SLCO1A2: variants seen among roughly 807,000 people sequenced by gnomAD.
SLCO1A2 encodes the protein OATP-1.
A neutral mutation model predicts 69.0 loss-of-function variants in SLCO1A2; 67 were observed. The observed-to-expected ratio is 0.97, with a 90% CI of 0.80 to 1.19. SLCO1A2 has a LOEUF of 1.19. Among genes scored for constraint, SLCO1A2 ranks in the 50% most tolerant of loss-of-function variants. SLCO1A2 has a pLI of 0.00. For synonymous variants in SLCO1A2, 260 were observed against 265.9 expected, an observed-to-expected ratio of 0.98 and a Z score of 0.22; for missense variants, 787 against 793.7, an observed-to-expected ratio of 0.99 and a Z score of 0.10.
intron 2 of SLCO1A2, chr12:21,373,509 C>A (rs41275208): frequency 0.043 from 40,429 of 947,318 alleles, 996 homozygotes; most frequent in Middle Eastern, 0.061. Flanking sequence ...TGTCAAATAA[C>A]TACAGCCTTA....
chr12:21,395,596 G>A (rs1419818194), upstream of SLCO1A2, among the ~76,000 whole-genome samples: 2 of 152,212 alleles, frequency 1.3e-5, no homozygotes, highest in African/African-American at 4.8e-5. Context: ...AAAGACAGCA[G>A]TAACCTCTGC....
intron 9 of SLCO1A2, among the ~76,000 whole-genome samples, chr12:21,297,192 CCTTT>C (rs150387774): frequency 0.013 from 1,924 of 151,938 alleles, 45 homozygotes; most frequent in African/African-American, 0.043. Flanking sequence ...CCTTCCCTAC[CCTTT>C]CTTTCTTTCC....
At chr12:21,329,115 A>G (rs1373981301) in intron 2 of SLCO1A2, among the ~76,000 whole-genome samples, 1 of 152,188 alleles carries the variant, frequency 6.6e-6, no homozygotes, top group African/African-American at 2.4e-5. Context: ...GTGATTTGTG[A>G]ATCCTGCATC....
chr12:21,313,396 A>G (rs183575083), intron 4 of SLCO1A2, among the ~76,000 whole-genome samples: 2 of 152,302 alleles, frequency 1.3e-5, no homozygotes, highest in African/African-American at 4.8e-5. Context: ...ATTCAAAACT[A>G]ATAGAATAAC....
At chr12:21,379,496 T>C (rs1940449229) in intron 1 of SLCO1A2, 2 of 152,240 alleles carry the variant, frequency 1.3e-5, no homozygotes, top group Admixed American at 6.5e-5. Context: ...CTCTTTGCTG[T>C]ATAAGAATTA....
At chr12:21,418,630 C>G (rs1942026875), upstream of SLCO1A2, among the ~76,000 whole-genome samples, 1 of 152,064 alleles carries the variant, frequency 6.6e-6, no homozygotes, top group African/African-American at 2.4e-5. Context: ...TATTCACTAC[C>G]ACGAGAACAG....
chr12:21,361,430 G>A (rs1402807889), intron 2 of SLCO1A2, among the ~76,000 whole-genome samples: 1 of 152,148 alleles, frequency 6.6e-6, no homozygotes, highest in Non-Finnish European at 1.5e-5. Flanking sequence ...CACAAAGATG[G>A]GGAGAAACCA....
Position 21,297,483 on chromosome 12 carries a change from G to A in SLCO1A2, c.996C>T (p.Phe332=), listed in dbSNP as rs111579988. The A allele has an allele frequency of 1.2e-5, 20 of 1,611,460 alleles. No homozygotes were observed. The African/African-American group carries it at 1.5e-4, about 12-fold the overall frequency. ...ILVSVIQFNA[F]VNMISFMPKY... ...TAGGCATGAAGGAGATCATGTTAAC[G>A]AATGCATTGAACTGTATCACACTTA... is the stretch of plus-strand genomic sequence containing the variant. The change falls in exon 9 of 15, where the codon TTC becomes TTT. Residue 332 remains phenylalanine, a synonymous_variant. Coordinates refer to ENST00000683939, the MANE Select transcript of SLCO1A2 (RefSeq NM_001386879.1).
At chr12:21,329,489 T>C (rs570011259) in intron 2 of SLCO1A2, among the ~76,000 whole-genome samples, 4 of 148,092 alleles carry the variant, frequency 2.7e-5, no homozygotes, top group South Asian at 2.1e-4. Flanking sequence ...AACCAAGGGA[T>C]TGAATATTTT....
chr12:21,276,671 A>C (rs1381478629), intron 12 of SLCO1A2, among the ~76,000 whole-genome samples: 1 of 152,162 alleles, frequency 6.6e-6, no homozygotes, highest in East Asian at 1.9e-4. Flanking sequence ...TTGAATTGCC[A>C]ACACCAGCCC....
chr12:21,341,875 G>C (rs1871289), intron 2 of SLCO1A2, among the ~76,000 whole-genome samples: 9,801 of 152,052 alleles, frequency 0.064, 391 homozygotes, highest in Middle Eastern at 0.1. Context: ...ACTTTGGGAC[G>C]AGTAAATAAA....
At chr12:21,287,925 T>G (rs1946196272) in intron 12 of SLCO1A2, among the ~76,000 whole-genome samples, 1 of 118,848 alleles carries the variant, frequency 8.4e-6, no homozygotes, top group Admixed American at 9.2e-5. Flanking sequence ...GACGAGTTAG[T>G]GGGTGCAGCG....
chr12:21,310,981 T>G (rs1281524789), intron 4 of SLCO1A2, among the ~76,000 whole-genome samples: 1 of 152,232 alleles, frequency 6.6e-6, no homozygotes, highest in Non-Finnish European at 1.5e-5. Context: ...CAAGCCCTAC[T>G]GCTGCCTTAT....
upstream of SLCO1A2, chr12:21,395,443 G>A (rs1489276557): frequency 6.5e-6 from 1 of 154,664 alleles, no homozygotes; most frequent in Non-Finnish European, 1.4e-5. Flanking sequence ...GCGAGACTGG[G>A]GGAGGGGCGC....
intron 1 of SLCO1A2, among the ~76,000 whole-genome samples, chr12:21,416,364 AC>A (rs1941988673): frequency 6.6e-6 from 1 of 151,714 alleles, no homozygotes. Flanking sequence ...GGGCACACAC[AC>A]ACACACACAC....
intron 12 of SLCO1A2, among the ~76,000 whole-genome samples, chr12:21,276,182 T>A (rs566274002): frequency 1.3e-5 from 2 of 152,034 alleles, no homozygotes; most frequent in Non-Finnish European, 2.9e-5. Context: ...TATTTGCACA[T>A]TGAAAAACCT....
At chr12:21,358,438 C>T (rs1033522737) in intron 2 of SLCO1A2, among the ~76,000 whole-genome samples, 6 of 152,110 alleles carry the variant, frequency 3.9e-5, no homozygotes, top group Admixed American at 1.3e-4. Flanking sequence ...AATCCACTAA[C>T]GAGATGGTTT....
At chr12:21,382,827 AAAAG>A (rs1455358331) in intron 1 of SLCO1A2, among the ~76,000 whole-genome samples, 4 of 152,064 alleles carry the variant, frequency 2.6e-5, no homozygotes, top group Middle Eastern at 3.4e-3. Flanking sequence ...AAGAAACGAA[AAAAG>A]AAAGAAAGAA....
At chr12:21,292,929 C>A (rs1042059844) in intron 11 of SLCO1A2, among the ~76,000 whole-genome samples, 3 of 152,178 alleles carry the variant, frequency 2.0e-5, no homozygotes, top group Admixed American at 6.5e-5. Context: ...TGATACAACA[C>A]TACATTGGAC....
Sources: allele counts gnomAD v4.1 joint callset (sites outside exome capture counted in the v4.1 genomes callset), GRCh38; gene constraint gnomAD v4.1.1; transcripts MANE v1.5; gene names NCBI Gene and HGNC (gene_info 2026-07-23, HGNC 2026-07-21).